The following PRKG1 variants were observed in gnomAD, a reference collection of about 807,000 sequenced individuals.
PRKG1 encodes cGMP-dependent protein kinase 1.
A neutral mutation model predicts 88.1 loss-of-function variants in PRKG1; 35 were observed. The observed-to-expected ratio is 0.40, with a 90% CI of 0.30 to 0.53. The LOEUF (loss-of-function observed/expected upper bound fraction) is 0.53. Among genes scored for constraint, PRKG1 ranks in the 20% least tolerant of loss-of-function variants. PRKG1 has a pLI of 0.59. For missense variants in PRKG1, 540 were observed against 839.8 expected, an observed-to-expected ratio of 0.64 and a Z score of 4.41; for synonymous variants, 303 against 292.5, an observed-to-expected ratio of 1.04 and a Z score of -0.37.
At chr10:51,251,148 TA>T (rs1200951133) in intron 2 of PRKG1, among the ~76,000 whole-genome samples, 1 of 151,778 alleles carries the variant, frequency 6.6e-6, no homozygotes. Flanking sequence ...TAACACATGG[TA>T]AACAACAAAT....
At chr10:51,378,136 A>G (rs1842851790) in intron 2 of PRKG1, among the ~76,000 whole-genome samples, 1 of 152,228 alleles carries the variant, frequency 6.6e-6, no homozygotes, top group Non-Finnish European at 1.5e-5. Flanking sequence ...TGCAAGAAGT[A>G]TGAATTGAGA....
chr10:51,850,387 G>A (rs1002062623), intron 4 of PRKG1, among the ~76,000 whole-genome samples: 1 of 152,060 alleles, frequency 6.6e-6, no homozygotes, highest in African/African-American at 2.4e-5. Flanking sequence ...ATATTGGCCA[G>A]GTTGGTCGCA....
intron 9 of PRKG1, among the ~76,000 whole-genome samples, chr10:52,189,839 A>G (rs1412769520): frequency 6.6e-6 from 1 of 152,220 alleles, no homozygotes; most frequent in Non-Finnish European, 1.5e-5. Flanking sequence ...ATGCAAGGAA[A>G]GCAAAAAGTA....
intron 3 of PRKG1, among the ~76,000 whole-genome samples, chr10:51,608,877 TAAC>T (rs1241082691): frequency 2.0e-5 from 3 of 152,032 alleles, no homozygotes; most frequent in East Asian, 1.9e-4. Context: ...TCTTAGTTTT[TAAC>T]AACAACAACA....
intron 5 of PRKG1, among the ~76,000 whole-genome samples, chr10:52,033,652 T>C (rs1845526774): frequency 1.3e-5 from 2 of 152,144 alleles, no homozygotes; most frequent in South Asian, 4.1e-4. Flanking sequence ...TCAGAAACTC[T>C]AAAGTATATG....
At chr10:51,420,031 G>A (rs10762124) in intron 2 of PRKG1, among the ~76,000 whole-genome samples, 18,545 of 152,098 alleles carry the variant, frequency 0.12, 1,318 homozygotes, top group Admixed American at 0.23. Context: ...TTCCATTCTG[G>A]GATGTTGGGG....
At chr10:51,851,976 T>C (rs990007686) in intron 4 of PRKG1, among the ~76,000 whole-genome samples, 5 of 151,962 alleles carry the variant, frequency 3.3e-5, no homozygotes, top group Non-Finnish European at 7.4e-5. Context: ...TGGAAAGACA[T>C]AGACACATGT....
chr10:52,140,878 CAT>C (rs2132649332), intron 8 of PRKG1, among the ~76,000 whole-genome samples: 1 of 152,254 alleles, frequency 6.6e-6, no homozygotes, highest in Admixed American at 6.5e-5. Flanking sequence ...TCTGTGTCCA[CAT>C]GATAGGACTG....
At position 50,991,068 on chromosome 10, in the gene PRKG1, A is replaced by C; in HGVS notation, c.-311A>C. Reference sequence around the variant, plus strand: ...GTCTCAGGGGAGGAAGGGCAGCTCTAATTGGTTTCTCAATGAAAGATAATC... The same window carrying C: ...GTCTCAGGGGAGGAAGGGCAGCTCTCATTGGTTTCTCAATGAAAGATAATC... On this transcript the variant is annotated 5_prime_UTR_variant, in exon 1 of 18. Transcript: ENST00000401604. This position sits in a 1 kb window ranked among gnomAD's most constrained non-coding sequence, Gnocchi z 4.5. 1 of 279,626 alleles carries C rather than the reference A, an allele frequency of 3.6e-6. No individual in the cohort carries two copies. Among genetic ancestry groups the C allele is most frequent in the Non-Finnish European group, 6.7e-6 (1 of 149,782 alleles). 17.3% of individuals were successfully genotyped at this position (279,626 alleles called of 1,614,324 possible).
At chr10:51,970,950 T>C (rs1159706578) in intron 5 of PRKG1, among the ~76,000 whole-genome samples, 1 of 151,462 alleles carries the variant, frequency 6.6e-6, no homozygotes, top group Non-Finnish European at 1.5e-5. Flanking sequence ...AGAAATAATG[T>C]AAATACTCTT....
chr10:52,080,668 A>T (rs1846749014), intron 7 of PRKG1, among the ~76,000 whole-genome samples: 1 of 151,996 alleles, frequency 6.6e-6, no homozygotes, highest in African/African-American at 2.4e-5. Flanking sequence ...TTTAATCTTA[A>T]ATTGCTATTT....
At chr10:51,299,316 C>T (rs1840809686) in intron 2 of PRKG1, among the ~76,000 whole-genome samples, 2 of 152,084 alleles carry the variant, frequency 1.3e-5, no homozygotes, top group South Asian at 4.2e-4. Context: ...AGCAATTCTC[C>T]TTCCTCAGCC....
intron 3 of PRKG1, among the ~76,000 whole-genome samples, chr10:51,636,016 T>C (rs556962905): frequency 6.6e-6 from 1 of 152,278 alleles, no homozygotes; most frequent in East Asian, 1.9e-4. Flanking sequence ...TCAGGAAATC[T>C]ATGGTAGCAC....
chr10:51,604,778 C>T (rs578149845), intron 3 of PRKG1, among the ~76,000 whole-genome samples: 17 of 152,304 alleles, frequency 1.1e-4, no homozygotes, highest in Middle Eastern at 3.4e-3. Context: ...CTTTTGGGAT[C>T]TGGCCCATGG....
intron 2 of PRKG1, among the ~76,000 whole-genome samples, chr10:51,181,045 T>C (rs1358703861): frequency 1.3e-5 from 2 of 152,030 alleles, no homozygotes; most frequent in African/African-American, 2.4e-5. Context: ...AATGATAGCA[T>C]GTATTACTGT....
chr10:51,646,595 A>C lies in PRKG1; in HGVS notation c.593-157990A>C, dbSNP rs959986339. Among the ~76,000 whole-genome samples, 3 of 152,236 alleles carry C rather than the reference A, an allele frequency of 2.0e-5. No homozygotes were observed. The South Asian group carries it at 6.2e-4, about 32-fold the overall frequency. ...TAAACATTTATGGACAGTTACATTA[A>C]AAACAATTAAGAAGAGCTTACCTCT... On this transcript the variant is annotated intron_variant, in intron 3 of 17. Coordinates refer to ENST00000373980, the MANE Select transcript of PRKG1 (RefSeq NM_006258.4).
chr10:51,464,723 C>T (rs293299), intron 2 of PRKG1, among the ~76,000 whole-genome samples: 60,918 of 150,296 alleles, frequency 0.41, 12,696 homozygotes, highest in Admixed American at 0.47. Flanking sequence ...AACCCCGTCT[C>T]TACTAAAAAT....
intron 2 of PRKG1, among the ~76,000 whole-genome samples, chr10:51,406,521 T>C (rs1837921521): frequency 1.3e-5 from 2 of 152,120 alleles, no homozygotes; most frequent in African/African-American, 4.8e-5. Flanking sequence ...TTTGATTGTC[T>C]TGAAGACCCA....
chr10:51,735,569 T>TG (rs145077541), intron 3 of PRKG1, among the ~76,000 whole-genome samples: 53,655 of 151,708 alleles, frequency 0.35, 10,419 homozygotes, highest in Middle Eastern at 0.52. Context: ...TCAGTATTTG[T>TG]GGGGGGATTA....
Sources: allele counts gnomAD v4.1 joint callset (sites outside exome capture counted in the v4.1 genomes callset), GRCh38; gene constraint gnomAD v4.1.1; non-coding constraint Gnocchi (gnomAD v3.1); transcripts MANE v1.5; gene names NCBI Gene and HGNC (gene_info 2026-07-23, HGNC 2026-07-21).